The following OCRL variants were observed in gnomAD, a reference collection of about 807,000 sequenced individuals.
OCRL encodes the protein OCRL inositol polyphosphate-5-phosphatase.
OCRL carries 8 observed loss-of-function variants against 78.9 expected under a neutral mutation model. The ratio of observed to expected loss-of-function variants is 0.10; its 90% confidence interval spans 0.06 to 0.18. OCRL has a LOEUF of 0.18. Ranked by LOEUF, OCRL falls within the 10% of genes least tolerant of loss-of-function variation. The pLI is 1.00. For missense variants in OCRL, 454 were observed against 696.7 expected (o/e 0.65, Z 3.92); for synonymous variants, 240 against 235.4 (o/e 1.02, Z -0.18).
chrX:129,567,026 T>C (rs932073408), intron 13 of OCRL, among the ~76,000 whole-genome samples: 1 of 111,768 alleles, frequency 8.9e-6, no homozygotes, highest in African/African-American at 3.3e-5. Flanking sequence ...AATAAAAGAA[T>C]AGTGATGTGC....
At chrX:129,581,409 A>G (rs954310043) in intron 18 of OCRL, among the ~76,000 whole-genome samples, 6 of 111,581 alleles carry the variant, frequency 5.4e-5, no homozygotes, top group African/African-American at 2.0e-4. Flanking sequence ...TGGTTGAACT[A>G]AGTGATTCAT....
chrX:129,584,461 C>A, intron 19 of OCRL, 94 bp downstream of exon 19: 1 of 865,870 alleles, frequency 1.2e-6, no homozygotes, highest in Non-Finnish European at 1.7e-6. Flanking sequence ...TTTCCCATAT[C>A]AGAGACCTCT....
intron 12 of OCRL, among the ~76,000 whole-genome samples, chrX:129,564,314 G>A (rs1167034810): frequency 2.1e-4 from 23 of 109,195 alleles, no homozygotes; most frequent in African/African-American, 6.4e-4. Flanking sequence ...TCAGTGTGGC[G>A]ATTCCTCAGG....
At chrX:129,565,241 C>T (rs537757128) in intron 12 of OCRL, among the ~76,000 whole-genome samples, 67 of 111,704 alleles carry the variant, frequency 6.0e-4, no homozygotes, top group African/African-American at 2.1e-3. Flanking sequence ...CCATGGAATG[C>T]CAGTCTCCTT....
At chrX:129,554,996 TAAATAA>T (rs1390329522) in intron 4 of OCRL, among the ~76,000 whole-genome samples, 1 of 91,067 alleles carries the variant, frequency 1.1e-5, no homozygotes, top group Admixed American at 1.2e-4. Context: ...AATAAATAAA[TAAATAA>T]AAATAAGAGG....
At chrX:129,559,026 G>A in intron 8 of OCRL, 25 bp downstream of exon 8, 2 of 1,185,341 alleles carry the variant, frequency 1.7e-6, no homozygotes, top group Non-Finnish European at 2.3e-6. Context: ...TGCTTCCTGA[G>A]TCTAAAAAGT....
rs750456115 is a variant in OCRL, at chrX:129,588,130, CTCAGGAGTGA to C, written c.2257-47_2257-38del. The C allele has an allele frequency of 1.8e-5, 17 of 921,590 alleles. No individual in the cohort carries two copies. The Admixed American group carries it at 2.6e-4, about 14-fold the overall frequency. The allele number at this position is 921,590 out of a possible 1,213,427, so 75.9% of individuals were successfully genotyped here. A position where few individuals can be genotyped will look rare whatever the true frequency, so the allele number is the denominator to read the frequency against. On this transcript the variant is annotated intron_variant, in intron 20 of 23. Coordinates refer to ENST00000371113, the MANE Select transcript of OCRL (RefSeq NM_000276.4). ...CTGATCCTTGGGTAATCATCATAACCTCAGGAGTGATTATCTTGCCTGTCCCTTCATTCTG... is the reference window on the plus strand; with the variant it reads ...CTGATCCTTGGGTAATCATCATAACCTTATCTTGCCTGTCCCTTCATTCTG...
intron 15 of OCRL, 113 bp downstream of exon 15, chrX:129,569,512 A>G (rs1027716522): frequency 2.3e-6 from 2 of 863,292 alleles, no homozygotes; most frequent in Admixed American, 4.5e-5. Context: ...TTCCATAACC[A>G]AATAACCATT....
chrX:129,564,698 A>G (rs1936192481), intron 12 of OCRL, among the ~76,000 whole-genome samples: 1 of 108,841 alleles, frequency 9.2e-6, no homozygotes, highest in South Asian at 4.2e-4. Flanking sequence ...AGGAAGGGGA[A>G]CATCACACTC....
intron 21 of OCRL, 118 bp from the exon 22 acceptor site, chrX:129,588,768 A>G (rs764264828): frequency 2.8e-4 from 243 of 855,945 alleles, no homozygotes; most frequent in Non-Finnish European, 3.6e-4. Context: ...ATTAGGATCA[A>G]TGTGCCCTGA....
intron 10 of OCRL, among the ~76,000 whole-genome samples, chrX:129,561,815 A>G (rs1179067872): frequency 3.6e-5 from 4 of 111,914 alleles, no homozygotes; most frequent in Non-Finnish European, 5.6e-5. Flanking sequence ...TTACAGGGCT[A>G]TCATACTAAG....
At chrX:129,581,188 A>G (rs1936434952) in intron 18 of OCRL, among the ~76,000 whole-genome samples, 1 of 112,312 alleles carries the variant, frequency 8.9e-6, no homozygotes, top group Non-Finnish European at 1.9e-5. Context: ...TTAAATTTGC[A>G]TCTTCCACCT....
intron 2 of OCRL, among the ~76,000 whole-genome samples, chrX:129,544,648 C>T (rs747971198): frequency 8.9e-6 from 1 of 112,085 alleles, no homozygotes; most frequent in Non-Finnish European, 1.9e-5. Context: ...GACTTCACAT[C>T]TAGCTGTCAG....
At chrX:129,562,838 A>T (rs747246523) in intron 12 of OCRL, 52 bp downstream of exon 12, 54 of 1,079,845 alleles carry the variant, frequency 5.0e-5, no homozygotes, top group Non-Finnish European at 6.7e-5. Flanking sequence ...AGGAGTTTGG[A>T]TAGTGTAGAG....
intron 17 of OCRL, 41 bp from the exon 18 acceptor site, chrX:129,576,276 G>C (rs1271873740): frequency 5.3e-6 from 6 of 1,131,727 alleles, no homozygotes; most frequent in Non-Finnish European, 7.3e-6. Flanking sequence ...CTTTCCCACT[G>C]GAGGTTTTCC....
chrX:129,542,465 A>G (rs1163570224), intron 2 of OCRL, among the ~76,000 whole-genome samples: 3 of 110,845 alleles, frequency 2.7e-5, no homozygotes, highest in East Asian at 5.6e-4. Flanking sequence ...TATAGTTTAT[A>G]TATAAACTAA....
intron 9 of OCRL, 111 bp downstream of exon 9, chrX:129,560,762 C>T (rs778193244): frequency 3.2e-5 from 16 of 496,912 alleles, no homozygotes; most frequent in Non-Finnish European, 5.3e-5. Flanking sequence ...AGACTATACA[C>T]GAGAGTTAAC....
intron 18 of OCRL, among the ~76,000 whole-genome samples, chrX:129,578,619 C>A (rs1936402585): frequency 9.0e-6 from 1 of 110,569 alleles, no homozygotes; most frequent in South Asian, 3.8e-4. Context: ...TTTTCATATT[C>A]TGGGATTGGC....
At chrX:129,558,136 T>G (rs1448554875) in intron 6 of OCRL, among the ~76,000 whole-genome samples, 186 bp downstream of exon 6, 2 of 111,740 alleles carry the variant, frequency 1.8e-5, no homozygotes, top group Non-Finnish European at 3.8e-5. Flanking sequence ...TGGTAGCTGT[T>G]CAGGAGCCAG....
Sources: allele counts gnomAD v4.1 joint callset (sites outside exome capture counted in the v4.1 genomes callset), GRCh38; gene constraint gnomAD v4.1.1; transcripts MANE v1.5; gene names NCBI Gene and HGNC (gene_info 2026-07-23, HGNC 2026-07-21).